Variants in APOL2 observed in about 807,000 individuals in gnomAD.
The protein encoded by APOL2 is apolipoprotein L2, also known as apolipoprotein L, 2.
Under a neutral mutation model 7.1 loss-of-function variants are expected in APOL2, and 8 were observed. The observed-to-expected ratio is 1.12, with a 90% CI of 0.66 to 2.03. The LOEUF (loss-of-function observed/expected upper bound fraction) is 2.03. APOL2 is among the 30% of genes most tolerant of loss of function. The probability of loss-of-function intolerance (pLI) is 0.00; values close to 1 mark genes in which losing one functional copy is unlikely to be tolerated. For synonymous variants in APOL2, 177 were observed against 159.9 expected, an observed-to-expected ratio of 1.11 and a Z score of -0.81; for missense variants, 471 against 415.1, an observed-to-expected ratio of 1.13 and a Z score of -1.17.
intron 1 of APOL2, among the ~76,000 whole-genome samples, chr22:36,235,658 T>C (rs2015372034): frequency 6.6e-6 from 1 of 151,416 alleles, no homozygotes. Context: ...AAAGGAGCTA[T>C]ATGGGGAATA....
intron 1 of APOL2, among the ~76,000 whole-genome samples, chr22:36,235,724 A>T (rs2015374974): frequency 6.9e-6 from 1 of 144,780 alleles, no homozygotes; most frequent in Non-Finnish European, 1.5e-5. Context: ...CTTGAGAATG[A>T]GCCACCGGGA....
chr22:36,239,242 T>C lies in APOL2; in HGVS notation c.-134+199A>G, dbSNP rs887634747. ...CTGTTTTCCCCACCTCTCTCTACAG[T>C]TTACCCGCCCAGCAGGAGGGAGGGA... On this transcript the variant is annotated intron_variant, in intron 1 of 4. Coordinates refer to ENST00000358502, the MANE Select transcript of APOL2 (RefSeq NM_030882.4). 16 of 1,370,634 alleles carry C rather than the reference T, an allele frequency of 1.2e-5. No individual in the cohort carries two copies. In the African/African-American group the frequency reaches 2.3e-4, roughly 20 times the overall value. The allele number at this position is 1,370,634 out of a possible 1,614,324, so 84.9% of individuals were successfully genotyped here.
intron 1 of APOL2, among the ~76,000 whole-genome samples, chr22:36,235,231 C>T (rs2015357185): frequency 6.6e-6 from 1 of 152,156 alleles, no homozygotes; most frequent in African/African-American, 2.4e-5. Context: ...AAGCAATATG[C>T]CCCAGAAATA....
At chr22:36,233,519 C>G in intron 1 of APOL2, 64 bp from the exon 2 acceptor site, 1 of 1,418,966 alleles carries the variant, frequency 7.0e-7, no homozygotes, top group Non-Finnish European at 9.7e-7. Flanking sequence ...ACAGAAACTA[C>G]AGAGTCTATA....
chr22:36,239,045 A>G, intron 1 of APOL2: 1 of 957,128 alleles, frequency 1.0e-6, no homozygotes, highest in Non-Finnish European at 1.3e-6. Flanking sequence ...GCCCGGCCAC[A>G]AGGACATGCC....
chr22:36,227,943 C>T lies in APOL2; in HGVS notation c.475G>A (p.Ala159Thr), dbSNP rs377428473. 148 of 1,614,228 alleles carry T rather than the reference C, an allele frequency of 9.2e-5. 3 individuals carry two copies. In the South Asian group the frequency reaches 1.5e-3, roughly 16 times the overall value. Reference sequence around the variant, plus strand: ...CTGCAGGTAATCCCAGCCACAGCAGCTGCTGCTCCCAGACCCATGCCAGTG... The same window carrying T: ...CTGCAGGTAATCCCAGCCACAGCAGTTGCTGCTCCCAGACCCATGCCAGTG... ...LDTGMGLGAA[A>T]AVAGITCSVV... is the part of the protein sequence containing the mutation. The change falls in exon 5 of 5, where the codon GCT (alanine) becomes ACT (threonine). Residue 159 changes from alanine to threonine, a missense_variant. By Grantham distance (58) the Ala-to-Thr change is moderately conservative (BLOSUM62 0). Coordinates refer to ENST00000358502, the MANE Select transcript of APOL2 (RefSeq NM_030882.4).
At chr22:36,238,758 C>G (rs115813747) in intron 1 of APOL2, among the ~76,000 whole-genome samples, 3,609 of 152,272 alleles carry the variant, frequency 0.024, 132 homozygotes, top group African/African-American at 0.082. Flanking sequence ...GGACACAGCA[C>G]AGCCTGTTTC....
At chr22:36,237,639 T>C (rs1603481053) in intron 1 of APOL2, among the ~76,000 whole-genome samples, 1 of 152,142 alleles carries the variant, frequency 6.6e-6, no homozygotes, top group Non-Finnish European at 1.5e-5. Context: ...CTTGAGCTCC[T>C]AGCATCATGT....
At chr22:36,236,148 T>G (rs900750517) in intron 1 of APOL2, among the ~76,000 whole-genome samples, 12 of 152,218 alleles carry the variant, frequency 7.9e-5, no homozygotes, top group African/African-American at 2.7e-4. Flanking sequence ...CAGTAAATAG[T>G]ATTTAAAACA....
intron 1 of APOL2, chr22:36,236,467 G>C: frequency 1.3e-6 from 1 of 750,578 alleles, no homozygotes; most frequent in Non-Finnish European, 1.6e-6. Context: ...AGGTGGAGAG[G>C]AGAGATAGAG....
chr22:36,229,920 C>A, intron 4 of APOL2, among the ~76,000 whole-genome samples: 1 of 152,188 alleles, frequency 6.6e-6, no homozygotes, highest in Non-Finnish European at 1.5e-5. Context: ...TCTGGCTCCA[C>A]ATGGACGCTC....
chr22:36,239,171 G>A (rs2015515713), intron 1 of APOL2: 21 of 1,247,002 alleles, frequency 1.7e-5, no homozygotes, highest in African/African-American at 9.1e-5. Flanking sequence ...GTCTGAGGGT[G>A]TCAGAACCAG....
chr22:36,230,363 CA>C (rs1227961155), intron 4 of APOL2, among the ~76,000 whole-genome samples: 2 of 152,180 alleles, frequency 1.3e-5, no homozygotes, highest in Admixed American at 6.5e-5. Context: ...CACAGGCTAC[CA>C]TGACCCTGTA....
chr22:36,229,796 T>C (rs1468917669), intron 4 of APOL2, among the ~76,000 whole-genome samples: 1 of 152,210 alleles, frequency 6.6e-6, no homozygotes, highest in Non-Finnish European at 1.5e-5. Flanking sequence ...AGACAGGAGA[T>C]CACTTTGCCT....
chr22:36,228,091 G>A lies in APOL2; in HGVS notation c.327C>T (p.Val109=). The change falls in exon 5 of 5, where the codon GTC becomes GTT. Residue 109 remains valine, a synonymous_variant. Coordinates refer to ENST00000358502, the MANE Select transcript of APOL2 (RefSeq NM_030882.4). ...LRALAEEVEQ[V]HRGTTIANVV... The stretch of plus-strand genomic sequence containing the variant: ...CATTGGCAATGGTGGTGCCTCTGTG[G>A]ACCTGCTCAACCTCCTCTGCAAGGG... 6.2e-7 allele frequency: 1 copy of A among 1,614,206 alleles called. No homozygotes were observed. The highest frequency in any genetic ancestry group is 8.5e-7 in the Non-Finnish European group (1 of 1,180,028).
chr22:36,231,383 C>G lies in APOL2; in HGVS notation c.94G>C (p.Asp32His). 1 of 1,614,186 alleles carries G rather than the reference C, an allele frequency of 6.2e-7. No homozygotes were observed. Among genetic ancestry groups the G allele is most frequent in the Non-Finnish European group, 8.5e-7 (1 of 1,179,990 alleles). Reference sequence around the variant, plus strand: ...GCCACGAATCCATTCCAGGCTTCATCATCAGTCAGCAGTTGTAGCAGATTC... The same window carrying G: ...GCCACGAATCCATTCCAGGCTTCATGATCAGTCAGCAGTTGTAGCAGATTC... ...RENLLQLLTD[D>H]EAWNGFVAAA... Residue 32 changes from aspartate to histidine, a missense_variant, in exon 4 of 5, where the codon GAT becomes CAT. Transcript: ENST00000358502.
chr22:36,239,602 C>T, upstream of APOL2: 1 of 1,156,352 alleles, frequency 8.6e-7, no homozygotes, highest in Non-Finnish European at 1.3e-6. Flanking sequence ...AACTTCCCAG[C>T]AGCTCATGAC....
chr22:36,239,061 C>T, intron 1 of APOL2: 1 of 1,070,202 alleles, frequency 9.3e-7, no homozygotes, highest in East Asian at 5.2e-5. Flanking sequence ...ATGCCGGGCT[C>T]CAGGTCACCT....
chr22:36,230,716 T>C (rs56230516), intron 4 of APOL2, among the ~76,000 whole-genome samples: 4,392 of 152,200 alleles, frequency 0.029, 105 homozygotes, highest in Non-Finnish European at 0.048. Context: ...AGAAGACAGT[T>C]CCAAGTCTCC....
Sources: gnomAD v4.1 joint callset for allele counts (sites outside exome capture counted in the v4.1 genomes callset) on GRCh38, gnomAD v4.1.1 for gene constraint, MANE v1.5 for transcripts, NCBI Gene and HGNC (gene_info 2026-07-23, HGNC 2026-07-21) for gene names.